The following TAFA2 variants were observed in gnomAD, a reference collection of about 807,000 sequenced individuals.
The protein encoded by TAFA2 is TAFA chemokine like family member 2.
TAFA2 carries 7 observed loss-of-function variants against 18.8 expected under a neutral mutation model. The observed-to-expected ratio is 0.37, with a 90% CI of 0.21 to 0.70. The LOEUF (loss-of-function observed/expected upper bound fraction) is 0.70, where lower values mean the gene tolerates loss of function less well. Ranked by LOEUF, TAFA2 falls within the 30% of genes least tolerant of loss-of-function variation. The probability of loss-of-function intolerance (pLI) is 0.53; values close to 1 mark genes in which losing one functional copy is unlikely to be tolerated. For synonymous variants in TAFA2, 60 were observed against 54.2 expected (o/e 1.11, Z -0.47); for missense variants, 122 against 158.1 (o/e 0.77, Z 1.23).
intron 4 of TAFA2, among the ~76,000 whole-genome samples, chr12:61,722,005 G>A (rs1023480029): frequency 5.3e-5 from 8 of 151,826 alleles, no homozygotes; most frequent in Admixed American, 4.6e-4. Flanking sequence ...GTACTCCAGC[G>A]ATATCAAAAC....
chr12:61,919,124 T>A (rs1259363432), intron 1 of TAFA2, among the ~76,000 whole-genome samples: 1 of 152,214 alleles, frequency 6.6e-6, no homozygotes, highest in Non-Finnish European at 1.5e-5. Context: ...GATTTCAACT[T>A]TCCCCCAAGG....
chr12:62,017,948 A>G (rs142311096), intron 1 of TAFA2, among the ~76,000 whole-genome samples: 257 of 152,274 alleles, frequency 1.7e-3, no homozygotes, highest in African/African-American at 5.8e-3. Flanking sequence ...CTTCTTATTC[A>G]TCTCCCATGG....
At chr12:61,713,802 G>T (rs555039091) in intron 4 of TAFA2, among the ~76,000 whole-genome samples, 10 of 151,942 alleles carry the variant, frequency 6.6e-5, no homozygotes, top group African/African-American at 1.9e-4. Flanking sequence ...TGGCATGCTG[G>T]GGGGGAAACA....
At chr12:62,214,690 C>A (rs1194481749) in intron 1 of TAFA2, among the ~76,000 whole-genome samples, 2 of 152,058 alleles carry the variant, frequency 1.3e-5, no homozygotes. Context: ...CACAGACATG[C>A]ACACACACAG....
intron 1 of TAFA2, among the ~76,000 whole-genome samples, chr12:61,902,606 T>C (rs979122622): frequency 3.3e-5 from 5 of 152,166 alleles, no homozygotes; most frequent in African/African-American, 9.7e-5. Context: ...CCTCTGATGG[T>C]TATTGCAGCA....
Position 61,710,218 on chromosome 12 carries a change from G to C in TAFA2, c.*188C>G. On this transcript the variant is annotated 3_prime_UTR_variant, in exon 5 of 5. Coordinates refer to ENST00000416284, the MANE Select transcript of TAFA2 (RefSeq NM_178539.5). ...AAATCTGCTGAAATCTTCATGACAT[G>C]CAAGTTCATGTCTGACTTTTAAAAA... The C allele has an allele frequency of 1.8e-6, 1 of 570,672 alleles. No homozygotes were observed. Among genetic ancestry groups the C allele is most frequent in the Admixed American group, 3.0e-5 (1 of 33,270 alleles). The allele number at this position is 570,672 out of a possible 1,614,324, so 35.4% of individuals were successfully genotyped here.
chr12:61,984,756 ATGGACAGC>A (rs1275999536), intron 1 of TAFA2, among the ~76,000 whole-genome samples: 1 of 152,232 alleles, frequency 6.6e-6, no homozygotes, highest in Non-Finnish European at 1.5e-5. Flanking sequence ...GGGTACAAGA[ATGGACAGC>A]TGGAAATGTT....
intron 1 of TAFA2, among the ~76,000 whole-genome samples, chr12:61,952,950 A>G (rs981628297): frequency 6.6e-5 from 10 of 152,134 alleles, no homozygotes; most frequent in African/African-American, 2.2e-4. Flanking sequence ...TACATGTTAT[A>G]TTAAAATAGC....
At chr12:61,738,292 C>CAT (rs1194509415) in intron 4 of TAFA2, among the ~76,000 whole-genome samples, 6 of 121,536 alleles carry the variant, frequency 4.9e-5, no homozygotes, top group Non-Finnish European at 5.3e-5. Flanking sequence ...AAAATGAAAA[C>CAT]ACACACACAC....
chr12:61,737,713 T>G (rs1338730782), intron 4 of TAFA2, among the ~76,000 whole-genome samples: 1 of 152,036 alleles, frequency 6.6e-6, no homozygotes, highest in Non-Finnish European at 1.5e-5. Context: ...TTTAAACATT[T>G]TCAAAACATA....
intron 2 of TAFA2, among the ~76,000 whole-genome samples, chr12:61,779,881 C>T (rs1255923820): frequency 6.6e-6 from 1 of 151,644 alleles, no homozygotes; most frequent in Non-Finnish European, 1.5e-5. Context: ...TGTTCTTTTC[C>T]CTTTTTATGA....
At chr12:62,142,302 A>G (rs80128406) in intron 1 of TAFA2, among the ~76,000 whole-genome samples, 8,127 of 152,272 alleles carry the variant, frequency 0.053, 280 homozygotes, top group South Asian at 0.12. Flanking sequence ...TTTGTTGAAT[A>G]AACGAAAGTC....
At chr12:61,712,283 C>A (rs948704847) in intron 4 of TAFA2, among the ~76,000 whole-genome samples, 4 of 152,048 alleles carry the variant, frequency 2.6e-5, no homozygotes, top group African/African-American at 9.7e-5. Flanking sequence ...ATAATAGATG[C>A]ATTCCTATAT....
intron 2 of TAFA2, among the ~76,000 whole-genome samples, chr12:61,836,740 T>TGTATATAC (rs1872939371): frequency 7.1e-6 from 1 of 140,196 alleles, no homozygotes; most frequent in Non-Finnish European, 1.5e-5. Context: ...TTGATATATA[T>TGTATATAC]ATATATATAT....
chr12:61,880,966 A>AT (rs1024809804), intron 1 of TAFA2, among the ~76,000 whole-genome samples: 16 of 151,090 alleles, frequency 1.1e-4, no homozygotes, highest in Admixed American at 2.6e-4. Context: ...AAAACAATTC[A>AT]TTTTTTTTTC....
At chr12:62,116,994 A>G (rs535233437) in intron 1 of TAFA2, among the ~76,000 whole-genome samples, 1 of 152,302 alleles carries the variant, frequency 6.6e-6, no homozygotes, top group South Asian at 2.1e-4. Context: ...GCATACACAG[A>G]GGAAAGACTA....
chr12:62,064,056 A>T (rs1242705477), intron 1 of TAFA2, among the ~76,000 whole-genome samples: 1 of 152,066 alleles, frequency 6.6e-6, no homozygotes, highest in African/African-American at 2.4e-5. Context: ...GAGCTGTGTA[A>T]TTTATGTGTC....
intron 1 of TAFA2, among the ~76,000 whole-genome samples, chr12:61,995,855 T>A (rs1486264539): frequency 1.6e-5 from 2 of 128,078 alleles, no homozygotes; most frequent in Admixed American, 8.3e-5. Flanking sequence ...TAAATAAGCA[T>A]TTATTTATTC....
intron 1 of TAFA2, among the ~76,000 whole-genome samples, chr12:62,240,200 C>T (rs1287892450): frequency 6.6e-6 from 1 of 151,988 alleles, no homozygotes; most frequent in East Asian, 1.9e-4. Context: ...GGGCGGATCA[C>T]CTGAGGTCAG....
Sources: gnomAD v4.1 joint callset for allele counts (sites outside exome capture counted in the v4.1 genomes callset) on GRCh38, gnomAD v4.1.1 for gene constraint, MANE v1.5 for transcripts, NCBI Gene and HGNC (gene_info 2026-07-23, HGNC 2026-07-21) for gene names.